Variants in KLHL1 observed in about 807,000 individuals in gnomAD.
KLHL1 encodes kelch-like protein 1.
KLHL1 carries 47 observed loss-of-function variants against 77.7 expected under a neutral mutation model. The ratio of observed to expected loss-of-function variants is 0.60; its 90% confidence interval spans 0.48 to 0.77. The LOEUF is 0.77. Ranked by LOEUF, KLHL1 falls within the 30% of genes least tolerant of loss-of-function variation. KLHL1 has a pLI of 0.00. For missense variants in KLHL1, 925 were observed against 910.8 expected (o/e 1.02, Z -0.20); for synonymous variants, 360 against 325.2 (o/e 1.11, Z -1.15).
intron 6 of KLHL1, among the ~76,000 whole-genome samples, chr13:69,825,639 G>A (rs1337201533): frequency 6.6e-6 from 1 of 152,120 alleles, no homozygotes; most frequent in Non-Finnish European, 1.5e-5. Flanking sequence ...TGGAGATAGG[G>A]AGATCACTGT....
intron 7 of KLHL1, among the ~76,000 whole-genome samples, chr13:69,766,003 C>A (rs969243802): frequency 6.6e-6 from 1 of 152,176 alleles, no homozygotes; most frequent in Admixed American, 6.5e-5. Flanking sequence ...GAACATTAAA[C>A]TTCTTTGCTT....
chr13:69,851,315 A>C (rs1055889196), intron 5 of KLHL1, among the ~76,000 whole-genome samples: 1 of 151,790 alleles, frequency 6.6e-6, no homozygotes, highest in Admixed American at 6.6e-5. Flanking sequence ...TTCTTTTACA[A>C]AATTATTTCT....
chr13:70,071,335 C>T (rs1887133418), intron 1 of KLHL1, among the ~76,000 whole-genome samples: 1 of 151,950 alleles, frequency 6.6e-6, no homozygotes, highest in Non-Finnish European at 1.5e-5. Context: ...TATATATGTA[C>T]CTAGCAGCAG....
chr13:69,751,890 A>G (rs1874501547), intron 7 of KLHL1, among the ~76,000 whole-genome samples: 1 of 150,278 alleles, frequency 6.7e-6, no homozygotes, highest in East Asian at 2.0e-4. Context: ...AAAATGAAGG[A>G]CTCAGGAAAT....
intron 4 of KLHL1, among the ~76,000 whole-genome samples, chr13:69,926,216 A>G (rs1882808555): frequency 6.6e-6 from 1 of 152,212 alleles, no homozygotes; most frequent in South Asian, 2.1e-4. Flanking sequence ...ATTGATCTGC[A>G]GAGTCAAAGG....
chr13:69,813,828 C>A (rs1246502596), intron 6 of KLHL1, among the ~76,000 whole-genome samples: 1 of 152,158 alleles, frequency 6.6e-6, no homozygotes, highest in Non-Finnish European at 1.5e-5. Flanking sequence ...CTGCTCAAAG[C>A]AATCTACAGA....
chr13:69,957,390 A>C (rs562442583), intron 3 of KLHL1, among the ~76,000 whole-genome samples: 22 of 151,740 alleles, frequency 1.4e-4, no homozygotes, highest in African/African-American at 5.1e-4. Flanking sequence ...TCAGTTTTCT[A>C]TACAGATGGT....
intron 1 of KLHL1, among the ~76,000 whole-genome samples, chr13:70,033,635 T>C (rs1434304398): frequency 8.6e-4 from 81 of 93,728 alleles, no homozygotes; most frequent in Admixed American, 1.8e-3. Context: ...TTTTTTTTTT[T>C]TTGAGACAGA....
At chr13:70,086,262 A>C (rs1887533938) in intron 1 of KLHL1, among the ~76,000 whole-genome samples, 1 of 146,178 alleles carries the variant, frequency 6.8e-6, no homozygotes, top group Non-Finnish European at 1.5e-5. Flanking sequence ...CCAGAAATGA[A>C]GGGTTAAATA....
chr13:70,053,528 CT>C (rs1593705833), intron 1 of KLHL1, among the ~76,000 whole-genome samples: 3 of 152,002 alleles, frequency 2.0e-5, no homozygotes, highest in Admixed American at 2.0e-4. Context: ...TTATAATACT[CT>C]TATGGAAGTC....
chr13:69,731,595 G>A (rs924469458), intron 8 of KLHL1, among the ~76,000 whole-genome samples: 2 of 152,260 alleles, frequency 1.3e-5, no homozygotes, highest in Admixed American at 1.3e-4. Context: ...TGATTATAGT[G>A]TAAAGTTCAA....
chr13:69,973,397 CTAA>C (rs1477424172), intron 2 of KLHL1, among the ~76,000 whole-genome samples: 1 of 151,518 alleles, frequency 6.6e-6, no homozygotes, highest in Admixed American at 6.6e-5. Flanking sequence ...TGAGCAAGTG[CTAA>C]TAATGTTAGC....
chr13:69,767,649 T>C (rs1875372124), intron 7 of KLHL1, among the ~76,000 whole-genome samples: 1 of 152,252 alleles, frequency 6.6e-6, no homozygotes, highest in Admixed American at 6.5e-5. Context: ...ACCCATATGA[T>C]GATAACATCA....
intron 4 of KLHL1, among the ~76,000 whole-genome samples, chr13:69,917,753 G>GT (rs1320307427): frequency 1.3e-5 from 2 of 151,894 alleles, no homozygotes; most frequent in Admixed American, 6.6e-5. Flanking sequence ...TTTTTGGTTT[G>GT]TTTTTTGAAT....
chr13:70,105,399 T>C (rs1158801263), intron 1 of KLHL1, among the ~76,000 whole-genome samples: 3 of 151,646 alleles, frequency 2.0e-5, no homozygotes, highest in Non-Finnish European at 4.4e-5. Flanking sequence ...ATGCTGAATA[T>C]GCCTTATTTT....
intron 3 of KLHL1, among the ~76,000 whole-genome samples, chr13:69,951,474 C>T (rs567169575): frequency 2.9e-4 from 44 of 151,490 alleles, no homozygotes; most frequent in African/African-American, 1.0e-3. Flanking sequence ...AGAGCTCTTC[C>T]GTCTTGAGAT....
At chr13:69,927,119 T>C (rs573118211) in intron 4 of KLHL1, among the ~76,000 whole-genome samples, 1 of 152,158 alleles carries the variant, frequency 6.6e-6, no homozygotes, top group East Asian at 1.9e-4. Flanking sequence ...TTATAGTCAA[T>C]TGATCTTGGT....
chr13:69,979,836 G>A (rs142688784), intron 1 of KLHL1, among the ~76,000 whole-genome samples: 261 of 152,230 alleles, frequency 1.7e-3, no homozygotes, highest in Non-Finnish European at 2.7e-3. Flanking sequence ...GAATAAAATT[G>A]TTTTGATCTC....
At chr13:70,015,978 A>G (rs1285325391) in intron 1 of KLHL1, among the ~76,000 whole-genome samples, 1 of 152,196 alleles carries the variant, frequency 6.6e-6, no homozygotes. Flanking sequence ...GTTTTAAATT[A>G]TTTTATTTAG....
Sources: allele counts gnomAD v4.1 joint callset (sites outside exome capture counted in the v4.1 genomes callset), GRCh38; gene constraint gnomAD v4.1.1; transcripts MANE v1.5; gene names NCBI Gene and HGNC (gene_info 2026-07-23, HGNC 2026-07-21).